MAGI2: variants seen among roughly 807,000 people sequenced by gnomAD.
MAGI2 encodes membrane associated guanylate kinase, WW and PDZ domain containing 2.
In MAGI2, 35 loss-of-function variants were observed where a neutral mutation model predicts 133.3. That is an observed-to-expected ratio of 0.26 (90% CI 0.20 to 0.35). The LOEUF (loss-of-function observed/expected upper bound fraction) is 0.35, where lower values mean the gene tolerates loss of function less well. Ranked by LOEUF, MAGI2 falls within the 10% of genes least tolerant of loss-of-function variation. MAGI2 has a pLI of 1.00. For missense variants in MAGI2, 1,636 were observed against 1,863.4 expected (o/e 0.88, Z 2.25); for synonymous variants, 729 against 710.6 (o/e 1.03, Z -0.41).
chr7:78,398,699 G>C (rs1321335842), intron 6 of MAGI2, among the ~76,000 whole-genome samples: 1 of 152,034 alleles, frequency 6.6e-6, no homozygotes, highest in African/African-American at 2.4e-5. Flanking sequence ...AGTCTTGGTG[G>C]AAAGGTAGGA....
intron 1 of MAGI2, among the ~76,000 whole-genome samples, chr7:79,101,785 A>G (rs977710723): frequency 6.6e-6 from 1 of 151,474 alleles, no homozygotes; most frequent in African/African-American, 2.4e-5. Flanking sequence ...CACAGGCTGA[A>G]TCTGCTCAAT....
intron 1 of MAGI2, among the ~76,000 whole-genome samples, chr7:79,131,461 G>A (rs1820931519): frequency 6.6e-6 from 1 of 152,096 alleles, no homozygotes; most frequent in Admixed American, 6.6e-5. Flanking sequence ...GAAGAGTGCT[G>A]GATTCCTTAT....
intron 2 of MAGI2, among the ~76,000 whole-genome samples, chr7:78,683,499 C>A (rs1188169056): frequency 6.6e-6 from 1 of 152,106 alleles, no homozygotes; most frequent in East Asian, 1.9e-4. Context: ...TTTGTAAGGG[C>A]TTTTGGAAGA....
At chr7:79,323,860 A>T (rs1054476196) in intron 1 of MAGI2, among the ~76,000 whole-genome samples, 4 of 152,116 alleles carry the variant, frequency 2.6e-5, no homozygotes, top group Admixed American at 1.3e-4. Flanking sequence ...ACAGCAAGAG[A>T]ATACCTGGGG....
intron 9 of MAGI2, among the ~76,000 whole-genome samples, chr7:78,335,309 G>A (rs1348244425): frequency 1.3e-5 from 2 of 152,166 alleles, no homozygotes; most frequent in African/African-American, 2.4e-5. Flanking sequence ...CCATTTGCCT[G>A]CATGCAGAAC....
chr7:78,939,791 G>C (rs143674125), intron 2 of MAGI2: 1 of 152,100 alleles, frequency 6.6e-6, no homozygotes, highest in Non-Finnish European at 1.5e-5. Flanking sequence ...GCTCAGAAAA[G>C]CTCCTCGGGA....
At chr7:78,516,796 T>G (rs1796080820) in intron 4 of MAGI2, among the ~76,000 whole-genome samples, 1 of 152,100 alleles carries the variant, frequency 6.6e-6, no homozygotes, top group Non-Finnish European at 1.5e-5. Context: ...GATGGTGCAG[T>G]GATATTTCGA....
intron 2 of MAGI2, among the ~76,000 whole-genome samples, chr7:78,716,601 T>C (rs1819726157): frequency 1.3e-5 from 2 of 152,194 alleles, no homozygotes; most frequent in Non-Finnish European, 2.9e-5. Context: ...ACAAAATCTT[T>C]CTCATAATTC....
intron 5 of MAGI2, among the ~76,000 whole-genome samples, chr7:78,500,384 T>G (rs1251108768): frequency 6.6e-6 from 1 of 152,206 alleles, no homozygotes; most frequent in African/African-American, 2.4e-5. Context: ...TTTTCTCTCT[T>G]TGAGGCTTAT....
chr7:78,694,830 T>A (rs998942766), intron 2 of MAGI2, among the ~76,000 whole-genome samples: 1 of 152,328 alleles, frequency 6.6e-6, no homozygotes, highest in Admixed American at 6.5e-5. Context: ...TAACATTTAA[T>A]ACAGTTCCTG....
intron 2 of MAGI2, among the ~76,000 whole-genome samples, chr7:78,669,740 T>A (rs201054439): frequency 1.4e-5 from 2 of 144,038 alleles, no homozygotes; most frequent in African/African-American, 5.2e-5. Flanking sequence ...AAGTGGGCTT[T>A]ATCCCTGGGA....
chr7:78,216,702 C>A (rs890828808), intron 10 of MAGI2, among the ~76,000 whole-genome samples: 4 of 152,212 alleles, frequency 2.6e-5, no homozygotes, highest in Non-Finnish European at 5.9e-5. Context: ...GGTAACTTCC[C>A]AGACTTGTCT....
chr7:78,626,629 T>A (rs1808376393), intron 3 of MAGI2, among the ~76,000 whole-genome samples: 1 of 152,128 alleles, frequency 6.6e-6, no homozygotes, highest in Admixed American at 6.6e-5. Flanking sequence ...TCACAGATCA[T>A]ATTTTTTTCT....
At chr7:79,102,404 T>C (rs926143689) in intron 1 of MAGI2, among the ~76,000 whole-genome samples, 2 of 152,212 alleles carry the variant, frequency 1.3e-5, no homozygotes, top group African/African-American at 4.8e-5. Context: ...CTAGATCTTT[T>C]ATTTCACTAA....
intron 1 of MAGI2, among the ~76,000 whole-genome samples, chr7:79,054,747 C>T (rs1812986263): frequency 6.6e-6 from 1 of 152,124 alleles, no homozygotes; most frequent in Non-Finnish European, 1.5e-5. Flanking sequence ...TTAGTTCTGA[C>T]TCTACCTGGA....
At chr7:79,067,805 T>C (rs1440975102) in intron 1 of MAGI2, among the ~76,000 whole-genome samples, 1 of 152,256 alleles carries the variant, frequency 6.6e-6, no homozygotes, top group Admixed American at 6.5e-5. Context: ...TTGAGATTTT[T>C]TAGCATGAAA....
At chr7:78,066,356 G>A (rs4730017) in intron 21 of MAGI2, among the ~76,000 whole-genome samples, 8,642 of 151,988 alleles carry the variant, frequency 0.057, 745 homozygotes, top group East Asian at 0.4. Context: ...CATCTACTTA[G>A]GAGGTTGAGG....
intron 7 of MAGI2, chr7:78,350,528 T>C (rs560257723): frequency 1.3e-5 from 2 of 152,330 alleles, no homozygotes; most frequent in Non-Finnish European, 2.9e-5. Context: ...AGGAGTATCT[T>C]GCCTGATAAG....
At chr7:78,500,790 C>T (rs75295933) in intron 5 of MAGI2, among the ~76,000 whole-genome samples, 3,228 of 152,232 alleles carry the variant, frequency 0.021, 106 homozygotes, top group African/African-American at 0.074. Flanking sequence ...GGGTCAAATG[C>T]TAAAAGCATT....
Sources: gnomAD v4.1 joint callset for allele counts (sites outside exome capture counted in the v4.1 genomes callset) on GRCh38, gnomAD v4.1.1 for gene constraint, MANE v1.5 for transcripts, NCBI Gene and HGNC (gene_info 2026-07-23, HGNC 2026-07-21) for gene names.